Variants in SLC12A2 observed in about 807,000 individuals in gnomAD.
The protein encoded by SLC12A2 is solute carrier family 12 member 2, also known as Na-K-2Cl cotransporter 1.
A neutral mutation model predicts 136.3 loss-of-function variants in SLC12A2; 67 were observed. That is an observed-to-expected ratio of 0.49 (90% CI 0.40 to 0.60). The LOEUF is 0.60. Among genes scored for constraint, SLC12A2 ranks in the 20% least tolerant of loss-of-function variants. The pLI is 0.00. For synonymous variants in SLC12A2, 619 were observed against 562.9 expected, an observed-to-expected ratio of 1.10 and a Z score of -1.41; for missense variants, 1,322 against 1,534.7, an observed-to-expected ratio of 0.86 and a Z score of 2.32.
chr5:128,103,840 C>G (rs1472912091), intron 1 of SLC12A2, among the ~76,000 whole-genome samples: 1 of 152,068 alleles, frequency 6.6e-6, no homozygotes, highest in Non-Finnish European at 1.5e-5. Context: ...AGTTAGAACC[C>G]TCAATTATCT....
intron 10 of SLC12A2, among the ~76,000 whole-genome samples, chr5:128,146,049 G>A (rs1459324982): frequency 6.6e-6 from 1 of 151,822 alleles, no homozygotes; most frequent in Non-Finnish European, 1.5e-5. Flanking sequence ...AGATTCAGAA[G>A]TACACAGTGA....
chr5:128,110,940 T>A, intron 1 of SLC12A2: 1 of 851,672 alleles, frequency 1.2e-6, no homozygotes, highest in Non-Finnish European at 2.1e-6. Context: ...AACCACAGAC[T>A]GAGAATGACC....
intron 1 of SLC12A2, among the ~76,000 whole-genome samples, chr5:128,092,881 T>C (rs1760388729): frequency 6.6e-6 from 1 of 152,202 alleles, no homozygotes; most frequent in African/African-American, 2.4e-5. Context: ...AGTTTACTTC[T>C]GTTAAAGAAA....
chr5:128,154,461 G>C (rs1441240998), intron 15 of SLC12A2, among the ~76,000 whole-genome samples: 1 of 151,664 alleles, frequency 6.6e-6, no homozygotes, highest in Non-Finnish European at 1.5e-5. Context: ...ATTTTTATTA[G>C]AATTATACGT....
intron 1 of SLC12A2, among the ~76,000 whole-genome samples, chr5:128,105,617 G>T (rs757450898): frequency 1.3e-5 from 2 of 152,146 alleles, no homozygotes; most frequent in Non-Finnish European, 2.9e-5. Flanking sequence ...TCAGAGTGCA[G>T]TAAAAAGTTA....
At chr5:128,088,352 A>G (rs560231857) in intron 1 of SLC12A2, among the ~76,000 whole-genome samples, 5 of 152,320 alleles carry the variant, frequency 3.3e-5, no homozygotes, top group African/African-American at 1.2e-4. Context: ...ATATACGTAC[A>G]CACACAGAGT....
chr5:128,145,831 A>G (rs1004423197), intron 10 of SLC12A2, among the ~76,000 whole-genome samples: 1 of 152,002 alleles, frequency 6.6e-6, no homozygotes, highest in Non-Finnish European at 1.5e-5. Flanking sequence ...TTAAAACCTG[A>G]TTTCCTTATC....
chr5:128,149,027 A>T (rs1762616103), intron 12 of SLC12A2, 150 bp downstream of exon 12: 2 of 662,184 alleles, frequency 3.0e-6, no homozygotes, highest in Admixed American at 6.0e-5. Context: ...TAATAGCATG[A>T]GTACATATTT....
At chr5:128,135,867 A>G (rs1302134677) in intron 7 of SLC12A2, 59 bp downstream of exon 7, 4 of 946,878 alleles carry the variant, frequency 4.2e-6, no homozygotes, top group South Asian at 1.4e-5. Flanking sequence ...TCTATCATCA[A>G]TTAAATTTTG....
intron 15 of SLC12A2, among the ~76,000 whole-genome samples, chr5:128,157,696 T>C (rs1032032813): frequency 4.6e-5 from 7 of 152,110 alleles, no homozygotes; most frequent in African/African-American, 1.5e-4. Context: ...CAGGAAGTTA[T>C]GCAAACTCTG....
At chr5:128,147,818 GCT>G in intron 11 of SLC12A2, 89 bp downstream of exon 11, 1 of 771,200 alleles carries the variant, frequency 1.3e-6, no homozygotes, top group Non-Finnish European at 2.2e-6. Context: ...CAAATTATTT[GCT>G]TCTATCAACC....
At chr5:128,151,470 T>G (rs966041649) in intron 14 of SLC12A2, 74 bp downstream of exon 14, 88 of 1,327,296 alleles carry the variant, frequency 6.6e-5, no homozygotes, top group Non-Finnish European at 8.5e-5. Flanking sequence ...AAGTTCTTTG[T>G]TATTTTTCAT....
intron 4 of SLC12A2, among the ~76,000 whole-genome samples, chr5:128,125,219 C>G (rs1443633147): frequency 6.6e-6 from 1 of 152,128 alleles, no homozygotes; most frequent in Admixed American, 6.5e-5. Context: ...ACAGATTGCT[C>G]GAGTCTTCTC....
At chr5:128,160,703 G>A (rs1343117089) in intron 16 of SLC12A2, among the ~76,000 whole-genome samples, 1 of 152,130 alleles carries the variant, frequency 6.6e-6, no homozygotes, top group Non-Finnish European at 1.5e-5. Flanking sequence ...ATAAGAAATA[G>A]GGGTATTTGT....
At chr5:128,132,619 A>G (rs1190377282) in intron 5 of SLC12A2, among the ~76,000 whole-genome samples, 5 of 152,156 alleles carry the variant, frequency 3.3e-5, no homozygotes, top group African/African-American at 7.2e-5. Context: ...CTCAAGTGAC[A>G]CCTATAATTG....
chr5:128,129,807 A>C (rs1188563109), intron 4 of SLC12A2, among the ~76,000 whole-genome samples: 1 of 152,156 alleles, frequency 6.6e-6, no homozygotes, highest in East Asian at 1.9e-4. Context: ...TTTGATTGTG[A>C]CCTAATGGCC....
intron 1 of SLC12A2, chr5:128,110,369 G>A (rs1415447578): frequency 1.0e-6 from 1 of 974,016 alleles, no homozygotes; most frequent in Non-Finnish European, 1.7e-6. Flanking sequence ...AAGCTAACAC[G>A]GGTCCTCCCT....
At chr5:128,172,869 T>C (rs1763421078) in intron 19 of SLC12A2, among the ~76,000 whole-genome samples, 1 of 151,988 alleles carries the variant, frequency 6.6e-6, no homozygotes, top group Non-Finnish European at 1.5e-5. Context: ...GAGAATTGCT[T>C]GAACCCAGGA....
intron 21 of SLC12A2, among the ~76,000 whole-genome samples, chr5:128,177,367 T>C (rs183856020): frequency 1.8e-3 from 278 of 152,258 alleles, no homozygotes; most frequent in African/African-American, 6.3e-3. Context: ...TTTTCTATTA[T>C]CACAGCATTT....
Sources: gnomAD v4.1 joint callset for allele counts (sites outside exome capture counted in the v4.1 genomes callset) on GRCh38, gnomAD v4.1.1 for gene constraint, MANE v1.5 for transcripts, NCBI Gene and HGNC (gene_info 2026-07-23, HGNC 2026-07-21) for gene names.